The following TPSD1 variants were observed in gnomAD, a reference collection of about 807,000 sequenced individuals.
TPSD1 encodes tryptase delta.
A neutral mutation model predicts 25.4 loss-of-function variants in TPSD1; 30 were observed. That is an observed-to-expected ratio of 1.18 (90% CI 0.88 to 1.60). The LOEUF (loss-of-function observed/expected upper bound fraction) is 1.60, where lower values mean the gene tolerates loss of function less well. Ranked by LOEUF, TPSD1 falls within the 40% of genes most tolerant of loss-of-function variation. The pLI, the probability that TPSD1 is intolerant of heterozygous loss-of-function variation, is 0.00. For synonymous variants in TPSD1, 176 were observed against 149.4 expected (o/e 1.18, Z -1.30); for missense variants, 420 against 324.2 (o/e 1.30, Z -2.27).
Position 1,256,883 on chromosome 16 carries a change from T to C in TPSD1, c.341T>C (p.Ile114Thr), listed in dbSNP as rs2030982905. ...YQDQLLPVSRIIVHPQFYIIQ... is the reference protein window; with the variant it reads ...YQDQLLPVSRTIVHPQFYIIQ... ...GACCAGCTGCTGCCGGTCAGCAGGA[T>C]CATCGTGCACCCACAGTTCTACATC... Residue 114 changes from isoleucine to threonine, a missense_variant, in exon 3 of 5, where the codon ATC (isoleucine) becomes ACC (threonine). Transcript: ENST00000211076. 1 of 1,613,698 alleles carries C rather than the reference T, an allele frequency of 6.2e-7. No homozygotes were observed. The highest frequency in any genetic ancestry group is 1.3e-5 in the African/African-American group (1 of 74,932).
Position 1,256,509 on chromosome 16 carries a change from G to A in TPSD1, c.83-7G>A, listed in dbSNP as rs368348529. On this transcript the variant is annotated splice_polypyrimidine_tract_variant and splice_region_variant and intron_variant, in intron 1 of 4. Coordinates refer to ENST00000211076, the MANE Select transcript of TPSD1 (RefSeq NM_012217.3). ...GCTTCTTGGTCCTGACCTGGCACCT[G>A]CCCCAGCCCCAGGCCAGGCCCTGCA... The A allele has an allele frequency of 1.3e-5, 21 of 1,607,350 alleles. No individual in the cohort carries two copies. The highest frequency in any genetic ancestry group is 1.7e-5 in the Non-Finnish European group (20 of 1,177,808).
chr16:1,256,519 C>G lies in TPSD1; in HGVS notation c.86C>G (p.Pro29Arg). The change falls in exon 2 of 5, where the codon CCA becomes CGA. Residue 29 changes from proline to arginine, a missense_variant. By Grantham distance (103) the Pro-to-Arg change is moderately radical. Transcript: ENST00000211076. ...LASPAYVAPA[P>R]GQALQQTGIV... ...CCTGACCTGGCACCTGCCCCAGCCC[C>G]AGGCCAGGCCCTGCAGCAAACGGGC... 6.2e-7 allele frequency: 1 copy of G among 1,608,492 alleles called. No individual in the cohort carries two copies. The highest frequency in any genetic ancestry group is 8.5e-7 in the Non-Finnish European group (1 of 1,178,378).
In TPSD1 at chr16:1,258,127, G is replaced by A. The variant is rs762270749; in HGVS notation, c.589G>A (p.Ala197Thr). The change falls in exon 4 of 5, where the codon GCG (alanine) becomes ACG (threonine). Residue 197 changes from alanine to threonine, a missense_variant. Coordinates refer to ENST00000211076, the MANE Select transcript of TPSD1 (RefSeq NM_012217.3). ...CGTAGTGGAAAACCACCTTTGCAAC[G>A]CGGAATATCACACCGGCCTCCATAC... ...VPVVENHLCN[A>T]EYHTGLHTGH... The A allele has an allele frequency of 1.4e-5, 23 of 1,609,798 alleles. No individual in the cohort carries two copies. The highest frequency in any genetic ancestry group is 1.3e-4 in the East Asian group (6 of 44,804).
intron 3 of TPSD1, 88 bp from the exon 4 acceptor site, chr16:1,257,971 T>C (rs2031010281): frequency 7.1e-7 from 1 of 1,403,858 alleles, no homozygotes. Context: ...CATGGTGCCA[T>C]CTCCCCTGCC....
At chr16:1,257,203 C>G (rs537679135) in intron 3 of TPSD1, 141 bp downstream of exon 3, 1 of 1,221,596 alleles carries the variant, frequency 8.2e-7, no homozygotes, top group South Asian at 1.5e-5. Flanking sequence ...CAGGCGGTGG[C>G]GAGAGGCAGC....
intron 3 of TPSD1, chr16:1,257,323 G>T: frequency 1.8e-6 from 1 of 562,790 alleles, no homozygotes; most frequent in Non-Finnish European, 3.1e-6. Flanking sequence ...TGCCTGAAAG[G>T]GTGCATCAAA....
chr16:1,258,194 C>T lies in TPSD1; in HGVS notation c.656C>T (p.Ala219Val), dbSNP rs566372123. The change falls in exon 4 of 5, where the codon GCG (alanine) becomes GTG (valine). Residue 219 changes from alanine (A) to valine (V), a missense_variant. Coordinates refer to ENST00000211076, the MANE Select transcript of TPSD1 (RefSeq NM_012217.3). ...ATCGTCCGCGATGACATGCTGTGTG[C>T]GGGGAGCGAAAATCACGACTCCTGC... The part of the protein sequence containing the change: ...FQIVRDDMLC[A>V]GSENHDSCQG... The T allele has an allele frequency of 1.4e-5, 22 of 1,612,848 alleles. No individual in the cohort carries two copies. Among genetic ancestry groups the T allele is most frequent in the Admixed American group, 3.3e-5 (2 of 59,952 alleles).
intron 4 of TPSD1, 49 bp from the exon 5 acceptor site, chr16:1,258,283 C>A: frequency 6.2e-7 from 1 of 1,611,796 alleles, no homozygotes; most frequent in Non-Finnish European, 8.5e-7. Context: ...CATCCCTCAT[C>A]CTGACCCCCG....
rs771150292 is a variant in TPSD1, at chr16:1,256,559, G to A, written c.126G>A (p.Gln42=). 1.0e-6 allele frequency: 1 copy of A among 999,462 alleles called. No individual in the cohort carries two copies. The highest frequency in any genetic ancestry group is 3.0e-5 in the East Asian group (1 of 32,790). 61.9% of individuals were successfully genotyped at this position (999,462 alleles called of 1,614,324 possible). A position where few individuals can be genotyped will look rare whatever the true frequency, so the allele number is the denominator to read the frequency against. Residue 42 remains glutamine, a synonymous_variant, in exon 2 of 5, where the codon CAG becomes CAA. Coordinates refer to ENST00000211076, the MANE Select transcript of TPSD1 (RefSeq NM_012217.3). Reference sequence around the variant, plus strand: ...AGCAAACGGGCATTGTTGGGGGGCAGGAGGCCCCCAGGAGCAAGTGGCCCT... The same window carrying A: ...AGCAAACGGGCATTGTTGGGGGGCAAGAGGCCCCCAGGAGCAAGTGGCCCT... ...ALQQTGIVGG[Q]EAPRSKWPWQ... is the part of the protein sequence containing the mutation.
chr16:1,258,538 C>T lies in TPSD1; in HGVS notation c.*162C>T, dbSNP rs1282083743. 6.3e-7 allele frequency: 1 copy of T among 1,593,274 alleles called. No homozygotes were observed. Among genetic ancestry groups the T allele is most frequent in the Non-Finnish European group, 8.6e-7 (1 of 1,168,574 alleles). ...CCACCCGGGTCACTGGAGGGCCAGCCCCTCCTGTCCAAACCACCACTGCTT... is the reference window on the plus strand; with the variant it reads ...CCACCCGGGTCACTGGAGGGCCAGCTCCTCCTGTCCAAACCACCACTGCTT... On this transcript the variant is annotated 3_prime_UTR_variant, in exon 5 of 5. Transcript: ENST00000211076.
At chr16:1,257,796 C>G (rs1329678494) in intron 3 of TPSD1, 1 of 567,870 alleles carries the variant, frequency 1.8e-6, no homozygotes. Flanking sequence ...GGGCTCTGCA[C>G]CCCCGTGCCA....
intron 3 of TPSD1, 39 bp from the exon 4 acceptor site, chr16:1,258,020 C>T (rs536522262): frequency 1.9e-5 from 29 of 1,547,414 alleles, no homozygotes; most frequent in Admixed American, 5.9e-5. Context: ...AGCACCCAGC[C>T]GGCCCCAGAC....
intron 4 of TPSD1, 21 bp downstream of exon 4, chr16:1,258,243 C>T (rs2031019350): frequency 1.2e-6 from 2 of 1,612,700 alleles, no homozygotes; most frequent in African/African-American, 1.3e-5. Context: ...GCGTCCCCCA[C>T]CCCAATCCCC....
In TPSD1 at chr16:1,258,486, A is replaced by G. The variant is rs2031027789; in HGVS notation, c.*110A>G. The stretch of plus-strand genomic sequence containing the variant: ...GACTGGATCCACCACTATGTCCCCA[A>G]GAAGCCCTGAGCCAGGCCTGGGGTG... On this transcript the variant is annotated 3_prime_UTR_variant, in exon 5 of 5. Transcript: ENST00000211076. The G allele has an allele frequency of 1.8e-5, 29 of 1,613,004 alleles. No individual in the cohort carries two copies. The highest frequency in any genetic ancestry group is 2.5e-5 in the Non-Finnish European group (29 of 1,179,624).
Position 1,256,333 on chromosome 16 carries a change from T to G in TPSD1, c.53T>G (p.Val18Gly). The change falls in exon 1 of 5, where the codon GTC becomes GGC. Residue 18 changes from valine (V) to glycine (G), a missense_variant. Coordinates refer to ENST00000211076, the MANE Select transcript of TPSD1 (RefSeq NM_012217.3). ...AGCCTGCTGCTGCTGGCGCTGCCCG[T>G]CCTGGCGAGCCCGGCCTACGTGGCC... ...MLSLLLLALPVLASPAYVAPA... is the reference protein window; with the variant it reads ...MLSLLLLALPGLASPAYVAPA... 1 of 1,613,460 alleles carries G rather than the reference T, an allele frequency of 6.2e-7. No individual in the cohort carries two copies. The highest frequency in any genetic ancestry group is 1.3e-5 in the African/African-American group (1 of 75,050).
chr16:1,258,040 C>G lies in TPSD1; in HGVS notation c.521-19C>G. 1.3e-6 allele frequency: 2 copies of G among 1,559,036 alleles called. No homozygotes were observed. Among genetic ancestry groups the G allele is most frequent in the South Asian group, 2.4e-5 (2 of 85,090 alleles). Reference sequence around the variant, plus strand: ...CCAGCCGGCCCCAGACCCGGCTCCACGCCCCCCTCCGCCCCCAGTGCACCT... The same window carrying G: ...CCAGCCGGCCCCAGACCCGGCTCCAGGCCCCCCTCCGCCCCCAGTGCACCT... On this transcript the variant is annotated intron_variant, in intron 3 of 4. Coordinates refer to ENST00000211076, the MANE Select transcript of TPSD1 (RefSeq NM_012217.3).
At position 1,256,136 on chromosome 16, in the gene TPSD1, G is replaced by A. The variant is rs1187142377; in HGVS notation, c.-145G>A. ...GACCCTGACATCAGCGTCACCTGGA[G>A]CAGAGTGGCCCAGCCTCAGACTCAG... On this transcript the variant is annotated 5_prime_UTR_variant, in exon 1 of 5. Transcript: ENST00000211076. 3.9e-6 allele frequency: 5 copies of A among 1,283,850 alleles called. No individual in the cohort carries two copies. In the Admixed American group the frequency reaches 6.2e-5, roughly 16 times the overall value. The allele number at this position is 1,283,850 out of a possible 1,614,324, so 79.5% of individuals were successfully genotyped here. A position where few individuals can be genotyped will look rare whatever the true frequency, so the allele number is the denominator to read the frequency against.
In TPSD1 at chr16:1,256,519, C is replaced by T. The variant is rs772515452; in HGVS notation, c.86C>T (p.Pro29Leu). ...LASPAYVAPA[P>L]GQALQQTGIV... is the part of the protein sequence containing the mutation. ...CCTGACCTGGCACCTGCCCCAGCCC[C>T]AGGCCAGGCCCTGCAGCAAACGGGC... Residue 29 changes from proline to leucine, a missense_variant, in exon 2 of 5, where the codon CCA (proline) becomes CTA (leucine). Coordinates refer to ENST00000211076, the MANE Select transcript of TPSD1 (RefSeq NM_012217.3). The T allele has an allele frequency of 1.9e-6, 3 of 1,608,492 alleles. No homozygotes were observed. The highest frequency in any genetic ancestry group is 2.5e-6 in the Non-Finnish European group (3 of 1,178,378).
rs61739908 is a variant in TPSD1, at chr16:1,256,641, C to G, written c.208C>G (p.Leu70Val). 22 of 1,610,492 alleles carry G rather than the reference C, an allele frequency of 1.4e-5. No individual in the cohort carries two copies. Among genetic ancestry groups the G allele is most frequent in the African/African-American group, 2.7e-5 (2 of 74,884 alleles). ...CTGGATGCACTTCTGCGGGGGCTCCCTCATCCACCCCCAGTGGGTGCTAAC... is the reference window on the plus strand; with the variant it reads ...CTGGATGCACTTCTGCGGGGGCTCCGTCATCCACCCCCAGTGGGTGCTAAC... Reference protein sequence around the residue: ...PYWMHFCGGSLIHPQWVLTAA... With the variant: ...PYWMHFCGGSVIHPQWVLTAA... Residue 70 changes from leucine to valine, a missense_variant, in exon 2 of 5, where the codon CTC (leucine) becomes GTC (valine). Leu to Val is a conservative substitution (Grantham distance 32). Transcript: ENST00000211076.
Sources: gnomAD v4.1 joint callset for allele counts on GRCh38, gnomAD v4.1.1 for gene constraint, MANE v1.5 for transcripts, NCBI Gene and HGNC (gene_info 2026-07-23, HGNC 2026-07-21) for gene names.